The following HECTD4 variants were observed in gnomAD, a reference collection of about 807,000 sequenced individuals.
HECTD4 encodes the protein probable E3 ubiquitin-protein ligase HECTD4.
In HECTD4, 114 loss-of-function variants were observed where a neutral mutation model predicts 471.5. The ratio of observed to expected loss-of-function variants is 0.24; its 90% CI spans 0.21 to 0.28. The LOEUF is 0.28. Ranked by LOEUF, HECTD4 falls within the 10% of genes least tolerant of loss-of-function variation. HECTD4 has a pLI of 1.00. For synonymous variants in HECTD4, 2,012 were observed against 2,256.0 expected (o/e 0.89, Z 3.07); for missense variants, 3,866 against 5,651.5 (o/e 0.68, Z 10.13).
rs1286520030 is a variant in HECTD4 at position 112,196,898 on chromosome 12, C to T, written c.8568-1832G>A. Among the ~76,000 whole-genome samples, 4 of 152,066 alleles carry T rather than the reference C, an allele frequency of 2.6e-5. No individual in the cohort carries two copies. In the East Asian group the frequency reaches 7.7e-4, roughly 29 times the overall value. Reference sequence around the variant, plus strand: ...GCAAACTCCGCCTCCCAGGTTCAAGCGATTCTCCTGCCTTGGCCTCCCAAG... The same window carrying T: ...GCAAACTCCGCCTCCCAGGTTCAAGTGATTCTCCTGCCTTGGCCTCCCAAG... On this transcript the variant is annotated intron_variant, in intron 55 of 75. Transcript: ENST00000682272.
chr12:112,193,240 A>C lies in HECTD4; in HGVS notation c.8956-49T>G, dbSNP rs1372103037. ...AAAGCCACGGGCTAAACACAGGGAC[A>C]GCATTTCATCTTCTCATCTCACATG... On this transcript the variant is annotated intron_variant, in intron 57 of 75. Transcript: ENST00000682272. The surrounding 1 kb of genome is among the most constrained non-coding windows in gnomAD (Gnocchi z 5.2). 1 of 1,601,610 alleles carries C rather than the reference A, an allele frequency of 6.2e-7. No individual in the cohort carries two copies. Among genetic ancestry groups the C allele is most frequent in the East Asian group, 2.2e-5 (1 of 44,558 alleles).
chr12:112,239,859 C>A lies in HECTD4; in HGVS notation c.5105+22G>T. On this transcript the variant is annotated intron_variant, in intron 33 of 75. Transcript: ENST00000682272. This position sits in a 1 kb window ranked among gnomAD's most constrained non-coding sequence, Gnocchi z 4.9. ...ATACTGCAGGGTAACTTACATACAA[C>A]AAAAGGCCTTTCCGTACTTACCTGG... The A allele has an allele frequency of 6.3e-7, 1 of 1,598,076 alleles. No individual in the cohort carries two copies. The highest frequency in any genetic ancestry group is 1.1e-5 in the South Asian group (1 of 88,852).
chr12:112,231,416 G>T, intron 39 of HECTD4, 97 bp downstream of exon 39: 1 of 1,204,278 alleles, frequency 8.3e-7, no homozygotes. Flanking sequence ...TTTCCAAGAG[G>T]TCAAGGGGAT....
At chr12:112,177,117 G>A (rs1053286745) in intron 64 of HECTD4, among the ~76,000 whole-genome samples, 1 of 152,196 alleles carries the variant, frequency 6.6e-6, no homozygotes, top group African/African-American at 2.4e-5. Flanking sequence ...CCACCAGCAC[G>A]GATATAGATA....
chr12:112,322,579 AATAAACTGGC>A (rs2035608519), intron 1 of HECTD4: 1 of 152,552 alleles, frequency 6.6e-6, no homozygotes, highest in South Asian at 2.1e-4. Context: ...AATGCAGAGA[AATAAACTGGC>A]AGAGGTGGAA....
chr12:112,233,471 C>T (rs2033432602), intron 37 of HECTD4, among the ~76,000 whole-genome samples: 3 of 152,004 alleles, frequency 2.0e-5, no homozygotes, highest in Admixed American at 1.3e-4. Context: ...CATCCTCCTG[C>T]CTTGGACTCC....
rs766470740 is a variant in HECTD4 at position 112,179,438 on chromosome 12, A to G, written c.10988-41T>C. 6.6e-7 allele frequency: 1 copy of G among 1,517,554 alleles called. No individual in the cohort carries two copies. The highest frequency in any genetic ancestry group is 2.3e-5 in the East Asian group (1 of 43,254). 94.0% of individuals were successfully genotyped at this position (1,517,554 alleles called of 1,614,324 possible). On this transcript the variant is annotated intron_variant, in intron 62 of 75. Coordinates refer to ENST00000682272, the MANE Select transcript of HECTD4 (RefSeq NM_001388303.1). The surrounding 1 kb of genome is among the most constrained non-coding windows in gnomAD (Gnocchi z 4.3). ...GGGGCAAAACAATTCTGCCGTGAAC[A>G]TGCATCGGGACAAGCCCTGCGAGCA...
At chr12:112,275,226 C>T (rs915127757) in intron 9 of HECTD4, among the ~76,000 whole-genome samples, 3 of 152,050 alleles carry the variant, frequency 2.0e-5, no homozygotes, top group African/African-American at 2.4e-5. Context: ...CGGTTCTTTC[C>T]GATATACATT....
chr12:112,187,838 G>A (rs1473233499), intron 60 of HECTD4, among the ~76,000 whole-genome samples: 1 of 147,844 alleles, frequency 6.8e-6, no homozygotes, highest in South Asian at 2.2e-4. Context: ...GTGTTAGCCA[G>A]GATGGTCTTG....
Position 112,319,074 on chromosome 12 carries a change from A to G in HECTD4, c.695+151T>C. The G allele has an allele frequency of 1.2e-6, 1 of 840,566 alleles. No homozygotes were observed. Among genetic ancestry groups the G allele is most frequent in the Non-Finnish European group, 1.8e-6 (1 of 557,828 alleles). The allele number at this position is 840,566 out of a possible 1,614,324, so 52.1% of individuals were successfully genotyped here. On this transcript the variant is annotated intron_variant, in intron 2 of 75. Transcript: ENST00000682272. The surrounding 1 kb of genome is among the most constrained non-coding windows in gnomAD (Gnocchi z 5.3). ...CAAGTTTGGTGAAAGCATCTCATGCACTGTCAAGGCTGTGAAATTCAATAC... is the reference window on the plus strand; with the variant it reads ...CAAGTTTGGTGAAAGCATCTCATGCGCTGTCAAGGCTGTGAAATTCAATAC...
intron 6 of HECTD4, among the ~76,000 whole-genome samples, chr12:112,307,467 T>C (rs2035290178): frequency 6.6e-6 from 1 of 152,250 alleles, no homozygotes; most frequent in South Asian, 2.1e-4. Context: ...CTGGCACTAC[T>C]TCAAATGTAA....
chr12:112,321,170 C>A (rs777336249), intron 1 of HECTD4, among the ~76,000 whole-genome samples: 18 of 152,194 alleles, frequency 1.2e-4, no homozygotes, highest in Non-Finnish European at 2.4e-4. Flanking sequence ...ATAGTGTTAA[C>A]CCATTATTTT....
chr12:112,200,874 T>C (rs1463150222), intron 54 of HECTD4, 76 bp from the exon 55 acceptor site: 4 of 1,214,046 alleles, frequency 3.3e-6, no homozygotes, highest in Non-Finnish European at 4.6e-6. Context: ...CGTGTGTGTG[T>C]GCGTGCGTGC....
intron 60 of HECTD4, among the ~76,000 whole-genome samples, chr12:112,189,550 C>CAAAAAA (rs57209316): frequency 0.09 from 2,727 of 30,410 alleles, 184 homozygotes; most frequent in East Asian, 0.12. Context: ...GACTCCGTCT[C>CAAAAAA]AAAAAAAAAA....
At chr12:112,320,298 C>A (rs2035558093) in intron 1 of HECTD4, among the ~76,000 whole-genome samples, 1 of 151,982 alleles carries the variant, frequency 6.6e-6, no homozygotes, top group South Asian at 2.1e-4. Context: ...TGGTGCCCTG[C>A]ACTACAGCCT....
chr12:112,349,845 C>T (rs1009309961), intron 1 of HECTD4, among the ~76,000 whole-genome samples: 43 of 152,102 alleles, frequency 2.8e-4, no homozygotes, highest in African/African-American at 1.0e-3. Flanking sequence ...AAGGAGCCTA[C>T]TTAATTCTAG....
chr12:112,259,343 G>T, intron 18 of HECTD4, 78 bp from the exon 19 acceptor site: 1 of 1,473,314 alleles, frequency 6.8e-7, no homozygotes, highest in Non-Finnish European at 9.3e-7. Flanking sequence ...ATCTTTATCT[G>T]ACAATTTCTC....
intron 48 of HECTD4, 115 bp downstream of exon 48, chr12:112,216,177 C>T: frequency 1.4e-6 from 1 of 716,214 alleles, no homozygotes; most frequent in Non-Finnish European, 2.4e-6. Flanking sequence ...TTGGTTTTTG[C>T]TAAATGACAA....
rs749824189 is a variant in HECTD4 at position 112,171,221 on chromosome 12, T to C, written c.11828A>G (p.Gln3943Arg). ...ESLRLRFALL[Q>R]SLNTTLETFF... ...GGTCTCCAGTGTGGTGTTGAGGGAC[T>C]GCAGCAAGGCGAAGCGCAGGCGCAG... Residue 3943 changes from glutamine (Q) to arginine (R), a missense_variant, in exon 68 of 76, where the codon CAG (glutamine) becomes CGG (arginine). Transcript: ENST00000682272. 10 of 1,612,172 alleles carry C rather than the reference T, an allele frequency of 6.2e-6. No homozygotes were observed. In the African/African-American group the frequency reaches 6.7e-5, roughly 11 times the overall value.
Sources: allele counts gnomAD v4.1 joint callset (sites outside exome capture counted in the v4.1 genomes callset), GRCh38; gene constraint gnomAD v4.1.1; non-coding constraint Gnocchi (gnomAD v3.1); transcripts MANE v1.5; gene names NCBI Gene and HGNC (gene_info 2026-07-23, HGNC 2026-07-21).